The following CADPS variants were observed in gnomAD, a reference collection of about 807,000 sequenced individuals.
CADPS encodes the protein calcium dependent secretion activator.
A neutral mutation model predicts 167.3 loss-of-function variants in CADPS; 57 were observed. That is an observed-to-expected ratio of 0.34 (90% CI 0.28 to 0.42). CADPS has a LOEUF of 0.42. Among genes scored for constraint, CADPS ranks in the 20% least tolerant of loss-of-function variants. The pLI is 1.00. For missense variants in CADPS, 1,414 were observed against 1,738.1 expected (o/e 0.81, Z 3.32); for synonymous variants, 676 against 635.3 (o/e 1.06, Z -0.96).
At chr3:62,666,078 C>T (rs576235373) in intron 3 of CADPS, among the ~76,000 whole-genome samples, 7 of 152,270 alleles carry the variant, frequency 4.6e-5, no homozygotes, top group East Asian at 1.9e-4. Flanking sequence ...TGTAGGGTGT[C>T]GGTCTGACAG....
At chr3:62,762,014 C>G (rs1162025971) in intron 2 of CADPS, among the ~76,000 whole-genome samples, 1 of 152,176 alleles carries the variant, frequency 6.6e-6, no homozygotes, top group African/African-American at 2.4e-5. Flanking sequence ...CTCCTTTCTC[C>G]CATCCCCACT....
At chr3:62,463,894 G>C (rs1208224383) in intron 26 of CADPS, among the ~76,000 whole-genome samples, 1 of 152,138 alleles carries the variant, frequency 6.6e-6, no homozygotes, top group East Asian at 1.9e-4. Context: ...ACCTGGGAAG[G>C]TCAGAACTGC....
intron 1 of CADPS, among the ~76,000 whole-genome samples, chr3:62,865,135 T>C (rs10510889): frequency 0.076 from 11,617 of 152,214 alleles, 735 homozygotes; most frequent in East Asian, 0.3. Flanking sequence ...ATGTTCAGGA[T>C]ATACTTCAAC....
At chr3:62,417,852 A>C (rs553526288) in intron 28 of CADPS, among the ~76,000 whole-genome samples, 29 of 94,220 alleles carry the variant, frequency 3.1e-4, no homozygotes, top group South Asian at 1.6e-3. Flanking sequence ...AACAAACAAA[A>C]AAAAACCTAG....
intron 3 of CADPS, among the ~76,000 whole-genome samples, chr3:62,709,548 T>C (rs2082972749): frequency 6.6e-6 from 1 of 152,144 alleles, no homozygotes; most frequent in Admixed American, 6.5e-5. Context: ...AACTCCTACC[T>C]TCAGTAGCTA....
At chr3:62,825,793 A>G (rs1001218419) in intron 1 of CADPS, among the ~76,000 whole-genome samples, 6 of 152,124 alleles carry the variant, frequency 3.9e-5, no homozygotes, top group South Asian at 2.1e-4. Context: ...GCAGCTTCCT[A>G]TGCATGGAGG....
intron 3 of CADPS, among the ~76,000 whole-genome samples, chr3:62,689,523 C>T (rs184231327): frequency 8.7e-4 from 133 of 152,104 alleles, no homozygotes; most frequent in Admixed American, 1.2e-3. Context: ...TGGGGCTCCC[C>T]GAATGATAAC....
At chr3:62,805,405 A>C (rs1337002938) in intron 1 of CADPS, among the ~76,000 whole-genome samples, 1 of 152,012 alleles carries the variant, frequency 6.6e-6, no homozygotes, top group African/African-American at 2.4e-5. Context: ...GCCTTTGATC[A>C]CTCCATTAGG....
chr3:62,525,751 G>A (rs546933008), intron 13 of CADPS, among the ~76,000 whole-genome samples: 1 of 151,934 alleles, frequency 6.6e-6, no homozygotes, highest in Non-Finnish European at 1.5e-5. Context: ...ATGAGAAAGA[G>A]AGAGGACGGA....
chr3:62,745,050 A>C (rs1157067019), intron 3 of CADPS, among the ~76,000 whole-genome samples: 2 of 151,984 alleles, frequency 1.3e-5, no homozygotes, highest in African/African-American at 4.8e-5. Flanking sequence ...AATGCCTCTA[A>C]ATTTGTCCCT....
chr3:62,407,156 T>C (rs1017973558), intron 28 of CADPS, among the ~76,000 whole-genome samples: 2 of 152,058 alleles, frequency 1.3e-5, no homozygotes, highest in Non-Finnish European at 2.9e-5. Context: ...ATCATCATCA[T>C]CATCATCATC....
chr3:62,814,228 A>G (rs930849333), intron 1 of CADPS, among the ~76,000 whole-genome samples: 1 of 152,152 alleles, frequency 6.6e-6, no homozygotes, highest in Non-Finnish European at 1.5e-5. Context: ...GGTGATGTGA[A>G]GATCTAAAAA....
intron 2 of CADPS, among the ~76,000 whole-genome samples, chr3:62,762,121 CTCCTT>C (rs1202436542): frequency 1.3e-5 from 2 of 152,200 alleles, no homozygotes; most frequent in African/African-American, 2.4e-5. Context: ...CACCTCCTCT[CTCCTT>C]TCATTTATTA....
chr3:62,774,214 C>T (rs2089697504), intron 1 of CADPS, among the ~76,000 whole-genome samples: 2 of 152,094 alleles, frequency 1.3e-5, no homozygotes, highest in Non-Finnish European at 2.9e-5. Flanking sequence ...CTACTTTTCA[C>T]CCTTCCGGCC....
chr3:62,815,148 G>A lies in CADPS; in HGVS notation c.442-49164C>T, dbSNP rs1443513825. 2.0e-5 allele frequency among the ~76,000 whole-genome samples: 3 copies of A among 152,056 alleles called. 1 individual carries two copies. The highest frequency in any genetic ancestry group is 1.3e-4 in the Admixed American group (2 of 15,248). ...ATGTAGGTAAATATTCACTAACAAG[G>A]TAAGTTCAAGATTAATCATGGCAAT... is the stretch of plus-strand genomic sequence containing the variant. On this transcript the variant is annotated intron_variant, in intron 1 of 29. Transcript: ENST00000383710.
chr3:62,557,381 G>C, intron 10 of CADPS, 24 bp downstream of exon 10: 1 of 1,526,644 alleles, frequency 6.6e-7, no homozygotes, highest in Non-Finnish European at 9.1e-7. Flanking sequence ...TTGTGGGCTC[G>C]TGGCCTTGAG....
intron 1 of CADPS, among the ~76,000 whole-genome samples, chr3:62,774,199 G>A (rs2089691254): frequency 1.3e-5 from 2 of 152,062 alleles, no homozygotes; most frequent in Admixed American, 1.3e-4. Context: ...GAAGGAGAAG[G>A]AGGTCTACTT....
rs1316611166 is a variant in CADPS at position 62,544,437 on chromosome 3, C to A, written c.1966+5466G>T. On this transcript the variant is annotated intron_variant, in intron 11 of 29. Transcript: ENST00000383710. This position sits in a 1 kb window ranked among gnomAD's most constrained non-coding sequence, Gnocchi z 4.4. ...AATGGGAAAGGAAAAACAACAACAACAACAACAACAACAGCACATTATCAG... is the reference window on the plus strand; with the variant it reads ...AATGGGAAAGGAAAAACAACAACAAAAACAACAACAACAGCACATTATCAG... Among the ~76,000 whole-genome samples the A allele has an allele frequency of 6.6e-6, 1 of 152,136 alleles. No homozygotes were observed. The highest frequency in any genetic ancestry group is 2.4e-5 in the African/African-American group (1 of 41,504).
At chr3:62,592,583 C>T in intron 7 of CADPS, 54 bp downstream of exon 7, 1 of 1,380,160 alleles carries the variant, frequency 7.2e-7, no homozygotes, top group South Asian at 1.2e-5. Context: ...GCACTGGAGA[C>T]CTAGCTGGGG....
Sources: allele counts gnomAD v4.1 joint callset (sites outside exome capture counted in the v4.1 genomes callset), GRCh38; gene constraint gnomAD v4.1.1; non-coding constraint Gnocchi (gnomAD v3.1); transcripts MANE v1.5; gene names NCBI Gene and HGNC (gene_info 2026-07-23, HGNC 2026-07-21).